The following RHOJ variants were observed in gnomAD, a reference collection of about 807,000 sequenced individuals.
RHOJ encodes the protein ras homolog family member J.
A neutral mutation model predicts 23.4 loss-of-function variants in RHOJ; 11 were observed. That is an observed-to-expected ratio of 0.47 (90% CI 0.30 to 0.78). The LOEUF (loss-of-function observed/expected upper bound fraction) is 0.78, where lower values mean the gene tolerates loss of function less well. RHOJ is among the 30% of genes least tolerant of loss of function. The probability of loss-of-function intolerance (pLI) is 0.08; values close to 1 mark genes in which losing one functional copy is unlikely to be tolerated. For missense variants in RHOJ, 254 were observed against 273.4 expected (o/e 0.93, Z 0.50); for synonymous variants, 102 against 102.7 (o/e 0.99, Z 0.04).
intron 1 of RHOJ, among the ~76,000 whole-genome samples, chr14:63,230,236 C>A (rs1481476527): frequency 6.6e-6 from 1 of 151,714 alleles, no homozygotes; most frequent in Non-Finnish European, 1.5e-5. Flanking sequence ...TAAGACTGAC[C>A]AAGATATAGA....
chr14:63,218,607 G>T (rs770572854), intron 1 of RHOJ, among the ~76,000 whole-genome samples: 2 of 152,222 alleles, frequency 1.3e-5, no homozygotes, highest in African/African-American at 2.4e-5. Context: ...CACATTAAAA[G>T]CTTCTTAAGG....
chr14:63,291,054 C>T lies in RHOJ; in HGVS notation c.*30C>T. ...GTCTGGGACCTGCCTCCACCCCATC[C>T]AGGGATGAGAATGGCAGCCAATCTC... On this transcript the variant is annotated 3_prime_UTR_variant, in exon 5 of 5. Transcript: ENST00000316754. 1 of 1,612,892 alleles carries T rather than the reference C, an allele frequency of 6.2e-7. No homozygotes were observed. Among genetic ancestry groups the T allele is most frequent in the Non-Finnish European group, 8.5e-7 (1 of 1,179,508 alleles).
chr14:63,288,977 G>A (rs773989614), intron 4 of RHOJ, among the ~76,000 whole-genome samples: 1 of 152,116 alleles, frequency 6.6e-6, no homozygotes, highest in Non-Finnish European at 1.5e-5. Context: ...ACAGAGCAAG[G>A]AAATGAACAT....
chr14:63,213,049 T>C (rs1894275040), intron 1 of RHOJ, among the ~76,000 whole-genome samples: 3 of 152,218 alleles, frequency 2.0e-5, no homozygotes, highest in African/African-American at 4.8e-5. Flanking sequence ...GATGGCACCA[T>C]ACTACTATGT....
At chr14:63,242,360 G>A (rs769799726) in intron 1 of RHOJ, among the ~76,000 whole-genome samples, 2 of 152,164 alleles carry the variant, frequency 1.3e-5, no homozygotes, top group Non-Finnish European at 2.9e-5. Context: ...AGGAGTTTGA[G>A]AACACCCTGG....
At chr14:63,250,460 A>T (rs555007368) in intron 1 of RHOJ, among the ~76,000 whole-genome samples, 1 of 152,170 alleles carries the variant, frequency 6.6e-6, no homozygotes, top group Admixed American at 6.5e-5. Context: ...GCTGGTCTCA[A>T]ACTCTTAGGC....
rs996281800 is a variant in RHOJ, at chr14:63,246,032, C to T, written c.179-23078C>T. 2.0e-5 allele frequency among the ~76,000 whole-genome samples: 3 copies of T among 152,102 alleles called. No homozygotes were observed. In the East Asian group the frequency reaches 5.8e-4, roughly 29 times the overall value. ...AAGGATTCCTGGTGTTTCAAAGACCCGGCTTAGGAGTCTCCTGATTCCCCT... is the reference window on the plus strand; with the variant it reads ...AAGGATTCCTGGTGTTTCAAAGACCTGGCTTAGGAGTCTCCTGATTCCCCT... On this transcript the variant is annotated intron_variant, in intron 1 of 4. Transcript: ENST00000316754.
chr14:63,213,764 TTTCCATC>T (rs1281817136), intron 1 of RHOJ, among the ~76,000 whole-genome samples: 1 of 152,200 alleles, frequency 6.6e-6, no homozygotes, highest in Non-Finnish European at 1.5e-5. Flanking sequence ...GATCTACTTT[TTTCCATC>T]TTGGTACCCT....
At chr14:63,211,891 G>A (rs1456201871) in intron 1 of RHOJ, among the ~76,000 whole-genome samples, 1 of 152,194 alleles carries the variant, frequency 6.6e-6, no homozygotes, top group Non-Finnish European at 1.5e-5. Context: ...TAAACAATAT[G>A]AGCAGTGTAT....
chr14:63,254,655 C>A (rs1181244665), intron 1 of RHOJ, among the ~76,000 whole-genome samples: 3 of 151,978 alleles, frequency 2.0e-5, no homozygotes, highest in South Asian at 2.1e-4. Flanking sequence ...AGCGGGATAC[C>A]AATTTCCAAG....
chr14:63,273,815 G>C (rs1895514432), intron 2 of RHOJ, among the ~76,000 whole-genome samples: 2 of 152,232 alleles, frequency 1.3e-5, no homozygotes, highest in African/African-American at 2.4e-5. Context: ...TGCCAGGGAG[G>C]AATGACCGTC....
chr14:63,259,077 T>A (rs1443794016), intron 1 of RHOJ, among the ~76,000 whole-genome samples: 1 of 152,190 alleles, frequency 6.6e-6, no homozygotes, highest in Non-Finnish European at 1.5e-5. Context: ...ATGGCTGGAA[T>A]TACAGGTGCG....
At chr14:63,283,011 T>C (rs1881959024) in intron 3 of RHOJ, 110 bp from the exon 4 acceptor site, 1 of 808,114 alleles carries the variant, frequency 1.2e-6, no homozygotes, top group African/African-American at 1.7e-5. Context: ...AAAGAAAATT[T>C]AGCAACTTCA....
chr14:63,210,073 C>T (rs1894201436), intron 1 of RHOJ, among the ~76,000 whole-genome samples: 1 of 151,660 alleles, frequency 6.6e-6, no homozygotes, highest in African/African-American at 2.4e-5. Flanking sequence ...GATTCTCCTG[C>T]CTTAGCCTCC....
intron 1 of RHOJ, among the ~76,000 whole-genome samples, chr14:63,252,043 G>A (rs1290921365): frequency 6.6e-6 from 1 of 151,962 alleles, no homozygotes; most frequent in African/African-American, 2.4e-5. Context: ...CCGAGATCAC[G>A]CCACTGTACT....
At chr14:63,242,541 A>T (rs746412765) in intron 1 of RHOJ, among the ~76,000 whole-genome samples, 2 of 152,146 alleles carry the variant, frequency 1.3e-5, no homozygotes, top group Admixed American at 6.6e-5. Flanking sequence ...GCACTCCAGG[A>T]CGACAGAGCA....
intron 1 of RHOJ, among the ~76,000 whole-genome samples, chr14:63,250,430 G>T (rs1030671068): frequency 3.9e-5 from 6 of 151,986 alleles, no homozygotes; most frequent in Non-Finnish European, 8.8e-5. Context: ...GTAGAGATAG[G>T]GTTTTGCCAT....
At chr14:63,225,869 T>C (rs1318722766) in intron 1 of RHOJ, among the ~76,000 whole-genome samples, 2 of 152,124 alleles carry the variant, frequency 1.3e-5, no homozygotes, top group Non-Finnish European at 1.5e-5. Context: ...CTTGCAGGTA[T>C]CAGAAACCTT....
chr14:63,265,952 A>T (rs1405333917), intron 1 of RHOJ, among the ~76,000 whole-genome samples: 1 of 152,208 alleles, frequency 6.6e-6, no homozygotes, highest in African/African-American at 2.4e-5. Flanking sequence ...TCTATATAAT[A>T]TATAGGTAGA....
Sources: gnomAD v4.1 joint callset for allele counts (sites outside exome capture counted in the v4.1 genomes callset) on GRCh38, gnomAD v4.1.1 for gene constraint, MANE v1.5 for transcripts, NCBI Gene and HGNC (gene_info 2026-07-23, HGNC 2026-07-21) for gene names.